ST14: variants seen among roughly 807,000 people sequenced by gnomAD.
The protein encoded by ST14 is suppressor of tumorigenicity 14 protein.
A neutral mutation model predicts 96.5 loss-of-function variants in ST14; 40 were observed. That is an observed-to-expected ratio of 0.41 (90% confidence interval 0.32 to 0.54). The LOEUF is 0.54. Among genes scored for constraint, ST14 ranks in the 20% least tolerant of loss-of-function variants. The pLI is 0.17. For synonymous variants in ST14, 506 were observed against 492.1 expected (o/e 1.03, Z -0.37); for missense variants, 1,066 against 1,188.9 (o/e 0.90, Z 1.52).
At chr11:130,204,299 A>G (rs1177088542) in intron 16 of ST14, among the ~76,000 whole-genome samples, 1 of 152,344 alleles carries the variant, frequency 6.6e-6, no homozygotes. Context: ...ATTAACAGTG[A>G]ACGCAGAAGG....
rs918336081 is a variant in ST14 at position 130,181,605 on chromosome 11, A to T, written c.82-6509A>T. Reference sequence around the variant, plus strand: ...AGAGGTGTTATGCCTACAGTTGTCTAAGTGTCTAAGTGGATGGGAGTTCCC... The same window carrying T: ...AGAGGTGTTATGCCTACAGTTGTCTTAGTGTCTAAGTGGATGGGAGTTCCC... On this transcript the variant is annotated intron_variant, in intron 1 of 18. Coordinates refer to ENST00000278742, the MANE Select transcript of ST14 (RefSeq NM_021978.4). The surrounding 1 kb of genome is among the most constrained non-coding windows in gnomAD (Gnocchi z 4.1). Among the ~76,000 whole-genome samples the T allele has an allele frequency of 6.6e-6, 1 of 152,124 alleles. No homozygotes were observed. The highest frequency in any genetic ancestry group is 2.4e-5 in the African/African-American group (1 of 41,416).
At chr11:130,177,130 C>T (rs560562460) in intron 1 of ST14, among the ~76,000 whole-genome samples, 1 of 151,962 alleles carries the variant, frequency 6.6e-6, no homozygotes, top group East Asian at 2.0e-4. Context: ...TCAAGTCTGA[C>T]TGTACATCCT....
chr11:130,185,825 T>C (rs1309906336), intron 1 of ST14, among the ~76,000 whole-genome samples: 2 of 152,164 alleles, frequency 1.3e-5, no homozygotes, highest in Non-Finnish European at 2.9e-5. Flanking sequence ...TTTTTGTTTT[T>C]GAGACAGAGT....
intron 11 of ST14, among the ~76,000 whole-genome samples, chr11:130,197,421 C>T (rs553067310): frequency 2.5e-4 from 38 of 152,380 alleles, no homozygotes; most frequent in East Asian, 2.3e-3. Context: ...TGCGCGATGC[C>T]GCACTACATT....
Position 130,159,891 on chromosome 11 carries a change from T to TGCGCCCC in ST14, c.-75_-69dup, listed in dbSNP as rs990730997. 4.9e-5 allele frequency: 39 copies of TGCGCCCC among 793,804 alleles called. No individual in the cohort carries two copies. The East Asian group carries it at 5.5e-4, about 11-fold the overall frequency. 49.2% of individuals were successfully genotyped at this position (793,804 alleles called of 1,614,324 possible). A position where few individuals can be genotyped will look rare whatever the true frequency, so the allele number is the denominator to read the frequency against. ...TGGGCCTGCCCGGAATCCCGCCGCC[T>TGCGCCCC]GCGCCCCGCGCCCCGCGCCCTGCGG... On this transcript the variant is annotated 5_prime_UTR_variant, in exon 1 of 19. Coordinates refer to ENST00000278742, the MANE Select transcript of ST14 (RefSeq NM_021978.4).
chr11:130,180,195 G>A (rs959628007), intron 1 of ST14, among the ~76,000 whole-genome samples: 2 of 152,192 alleles, frequency 1.3e-5, no homozygotes, highest in Non-Finnish European at 2.9e-5. Context: ...CAGCACAGCT[G>A]TGTCCCTAGC....
rs1380094622 is a variant in ST14 at position 130,196,719 on chromosome 11, G to C, written c.1354+19G>C. On this transcript the variant is annotated intron_variant, in intron 11 of 18. Transcript: ENST00000278742. Reference sequence around the variant, plus strand: ...AGTGACCGTGAGTGAACATTGTTGGGAGGAGGGCTGGCGGGGGCCTGCACC... The same window carrying C: ...AGTGACCGTGAGTGAACATTGTTGGCAGGAGGGCTGGCGGGGGCCTGCACC... 1.9e-6 allele frequency: 3 copies of C among 1,614,094 alleles called. No homozygotes were observed. The highest frequency in any genetic ancestry group is 1.7e-5 in the Admixed American group (1 of 60,014).
intron 1 of ST14, among the ~76,000 whole-genome samples, chr11:130,167,382 ACT>A (rs970148115): frequency 5.9e-5 from 9 of 152,146 alleles, no homozygotes; most frequent in Admixed American, 5.2e-4. Context: ...AAAATGTGAA[ACT>A]TCTGAAATTC....
chr11:130,189,515 G>A, intron 4 of ST14: 1 of 602,836 alleles, frequency 1.7e-6, no homozygotes, highest in Admixed American at 3.0e-5. Context: ...GCAGCCCCCA[G>A]AATCGGTCTG....
At position 130,196,561 on chromosome 11, in the gene ST14, C is replaced by CG. The variant is rs771839036; in HGVS notation, c.1224-9_1224-8insG. The CG allele has an allele frequency of 1.9e-6, 3 of 1,609,576 alleles. No homozygotes were observed. Among genetic ancestry groups the CG allele is most frequent in the Non-Finnish European group, 2.6e-6 (3 of 1,176,340 alleles). On this transcript the variant is annotated splice_polypyrimidine_tract_variant and intron_variant, in intron 10 of 18. Coordinates refer to ENST00000278742, the MANE Select transcript of ST14 (RefSeq NM_021978.4). ...TCCCTCCTCACCTTGTGCCCCGCCCCCCCTCCAGATACTGCGGAGAGAGGT... is the reference window on the plus strand; with the variant it reads ...TCCCTCCTCACCTTGTGCCCCGCCCCGCCCTCCAGATACTGCGGAGAGAGGT...
At position 130,189,809 on chromosome 11, in the gene ST14, C is replaced by G. The variant is rs200572156; in HGVS notation, c.511C>G (p.Arg171Gly). Reference protein sequence around the residue: ...IPQHLVEEAERVMAEERVVML... With the variant: ...IPQHLVEEAEGVMAEERVVML... ...GCAGCACCTGGTGGAGGAGGCCGAG[C>G]GCGTCATGGCCGAGGAGCGCGTAGT... is the stretch of plus-strand genomic sequence containing the variant. The change falls in exon 5 of 19, where the codon CGC becomes GGC. Residue 171 changes from arginine (R) to glycine (G), a missense_variant. Transcript: ENST00000278742. 4 of 1,613,892 alleles carry G rather than the reference C, an allele frequency of 2.5e-6. No individual in the cohort carries two copies. The highest frequency in any genetic ancestry group is 3.3e-5 in the Admixed American group (2 of 60,032).
At chr11:130,205,632 T>C (rs1953477079) in intron 16 of ST14, among the ~76,000 whole-genome samples, 2 of 151,986 alleles carry the variant, frequency 1.3e-5, no homozygotes, top group African/African-American at 4.8e-5. Flanking sequence ...GGCATTGCTT[T>C]GTGCTGCGAG....
chr11:130,208,983 A>G (rs1184512378), intron 17 of ST14, among the ~76,000 whole-genome samples: 1 of 152,152 alleles, frequency 6.6e-6, no homozygotes, highest in Admixed American at 6.5e-5. Flanking sequence ...CCTTAAGCCC[A>G]GTGGTGCTTA....
chr11:130,209,936 T>TA lies in ST14; in HGVS notation c.*114dup. 1 of 1,311,030 alleles carries TA rather than the reference T, an allele frequency of 7.6e-7. No individual in the cohort carries two copies. The highest frequency in any genetic ancestry group is 1.1e-6 in the Non-Finnish European group (1 of 946,106). 81.2% of individuals were successfully genotyped at this position (1,311,030 alleles called of 1,614,324 possible). A position where few individuals can be genotyped will look rare whatever the true frequency, so the allele number is the denominator to read the frequency against. ...TGACTGCACCAGCGCCCCCAGAACA[T>TA]ACACTGTGAACTCAATCTCCAGGGC... On this transcript the variant is annotated 3_prime_UTR_variant, in exon 19 of 19. Transcript: ENST00000278742.
intron 7 of ST14, among the ~76,000 whole-genome samples, 192 bp from the exon 8 acceptor site, chr11:130,193,957 C>T (rs547920202): frequency 6.6e-6 from 1 of 152,408 alleles, no homozygotes; most frequent in South Asian, 2.1e-4. Context: ...TCACTAGCGC[C>T]TTCCATCAGT....
At position 130,181,987 on chromosome 11, in the gene ST14, G is replaced by A. The variant is rs1953197124; in HGVS notation, c.82-6127G>A. On this transcript the variant is annotated intron_variant, in intron 1 of 18. Coordinates refer to ENST00000278742, the MANE Select transcript of ST14 (RefSeq NM_021978.4). This position sits in a 1 kb window ranked among gnomAD's most constrained non-coding sequence, Gnocchi z 4.1. ...GGTGACCCCTGAGTCAATGCCCTCA[G>A]CCACCTTACCCCTTCTCATGGGAGT... Among the ~76,000 whole-genome samples the A allele has an allele frequency of 6.6e-6, 1 of 152,236 alleles. No individual in the cohort carries two copies. The highest frequency in any genetic ancestry group is 1.9e-4 in the East Asian group (1 of 5,198).
chr11:130,200,020 G>C lies in ST14; in HGVS notation c.1877G>C (p.Trp626Ser). 6.2e-7 allele frequency: 1 copy of C among 1,614,154 alleles called. No homozygotes were observed. The highest frequency in any genetic ancestry group is 8.5e-7 in the Non-Finnish European group (1 of 1,180,028). ...GGCACGGATGCGGATGAGGGCGAGT[G>C]GCCCTGGCAGGTAAGCCTGCATGCT... is the stretch of plus-strand genomic sequence containing the variant. ...VGGTDADEGEWPWQVSLHALG... is the reference protein window; with the variant it reads ...VGGTDADEGESPWQVSLHALG... The change falls in exon 16 of 19, where the codon TGG becomes TCG. Residue 626 changes from tryptophan (W) to serine (S), a missense_variant. Trp to Ser is a radical substitution (Grantham distance 177). Transcript: ENST00000278742.
At chr11:130,170,884 T>G (rs753124306) in intron 1 of ST14, among the ~76,000 whole-genome samples, 1 of 152,060 alleles carries the variant, frequency 6.6e-6, no homozygotes, top group Non-Finnish European at 1.5e-5. Flanking sequence ...ATCAACACTG[T>G]ATTTATTGAT....
intron 1 of ST14, among the ~76,000 whole-genome samples, chr11:130,177,057 C>T (rs575476625): frequency 4.0e-5 from 6 of 151,812 alleles, no homozygotes; most frequent in Admixed American, 3.3e-4. Context: ...CTTGGCCTCC[C>T]AGAGTGCTGG....
Sources: gnomAD v4.1 joint callset for allele counts (sites outside exome capture counted in the v4.1 genomes callset) on GRCh38, gnomAD v4.1.1 for gene constraint, Gnocchi (gnomAD v3.1) non-coding constraint, MANE v1.5 for transcripts, NCBI Gene and HGNC (gene_info 2026-07-23, HGNC 2026-07-21) for gene names.